Variants in HCN4 observed in about 807,000 individuals in gnomAD.
HCN4 encodes potassium/sodium hyperpolarization-activated cyclic nucleotide-gated channel 4.
HCN4 carries 29 observed loss-of-function variants against 76.9 expected under a neutral mutation model. The ratio of observed to expected loss-of-function variants is 0.38; its 90% CI spans 0.28 to 0.51. HCN4 has a LOEUF of 0.51. Ranked by LOEUF, HCN4 falls within the 20% of genes least tolerant of loss-of-function variation. The pLI is 0.90. For missense variants in HCN4, 1,416 were observed against 1,715.2 expected (o/e 0.83, Z 3.08); for synonymous variants, 772 against 762.5 (o/e 1.01, Z -0.21).
At chr15:73,353,008 G>GGACA (rs201634543) in intron 1 of HCN4, among the ~76,000 whole-genome samples, 1,189 of 102,582 alleles carry the variant, frequency 0.012, 5 homozygotes, top group East Asian at 0.017. Context: ...ATGGACAGAT[G>GGACA]GATGGATGGA....
At chr15:73,330,721 C>G (rs558278565) in intron 3 of HCN4, among the ~76,000 whole-genome samples, 1 of 152,174 alleles carries the variant, frequency 6.6e-6, no homozygotes, top group Non-Finnish European at 1.5e-5. Context: ...CGCAGGAGCC[C>G]GTGAGCTTCG....
rs772559353 is a variant in HCN4 at position 73,343,222 on chromosome 15, A to T, written c.1209+163T>A. On this transcript the variant is annotated intron_variant, in intron 2 of 7. Coordinates refer to ENST00000261917, the MANE Select transcript of HCN4 (RefSeq NM_005477.3). This position sits in a 1 kb window ranked among gnomAD's most constrained non-coding sequence, Gnocchi z 5.7. ...AGATACTGCATGTAAAGTATCCAGC[A>T]CATGATAAGAGGTCAAGAACTTACT... 4.7e-4 allele frequency among the ~76,000 whole-genome samples: 71 copies of T among 152,358 alleles called. No homozygotes were observed. Among genetic ancestry groups the T allele is most frequent in the Middle Eastern group, 3.4e-3 (1 of 294 alleles).
rs1010925949 is a variant in HCN4, at chr15:73,368,602, A to G, written c.-332T>C. 26 of 172,570 alleles carry G rather than the reference A, an allele frequency of 1.5e-4. No individual in the cohort carries two copies. The highest frequency in any genetic ancestry group is 5.2e-4 in the African/African-American group (22 of 42,168). 10.7% of individuals were successfully genotyped at this position (172,570 alleles called of 1,614,324 possible). A position where few individuals can be genotyped will look rare whatever the true frequency, so the allele number is the denominator to read the frequency against. On this transcript the variant is annotated 5_prime_UTR_variant, in exon 1 of 8. Coordinates refer to ENST00000261917, the MANE Select transcript of HCN4 (RefSeq NM_005477.3). The surrounding 1 kb of genome is among the most constrained non-coding windows in gnomAD (Gnocchi z 6.9). ...AGGCGCCCCGCCCCCGCGGGGAACAATGGGCGCCGGCCGGAGAGGCTCTGC... is the reference window on the plus strand; with the variant it reads ...AGGCGCCCCGCCCCCGCGGGGAACAGTGGGCGCCGGCCGGAGAGGCTCTGC...
chr15:73,367,340 G>T lies in HCN4; in HGVS notation c.785+146C>A, dbSNP rs2043132898. The T allele has an allele frequency of 1.6e-6, 2 of 1,240,494 alleles. No homozygotes were observed. Among genetic ancestry groups the T allele is most frequent in the Admixed American group, 4.3e-5 (2 of 46,888 alleles). The allele number at this position is 1,240,494 out of a possible 1,614,324, so 76.8% of individuals were successfully genotyped here. A position where few individuals can be genotyped will look rare whatever the true frequency, so the allele number is the denominator to read the frequency against. On this transcript the variant is annotated intron_variant, in intron 1 of 7. Transcript: ENST00000261917. This position sits in a 1 kb window ranked among gnomAD's most constrained non-coding sequence, Gnocchi z 7.5. ...GCGCGGTGCAGGAGGGGGCCTGGGGGTGTCTCGGAGCCTAGAGGCGCCCTG... is the reference window on the plus strand; with the variant it reads ...GCGCGGTGCAGGAGGGGGCCTGGGGTTGTCTCGGAGCCTAGAGGCGCCCTG...
In HCN4 at chr15:73,323,778, A is replaced by G; in HGVS notation, c.2315T>C (p.Val772Ala). The change falls in exon 8 of 8, where the codon GTC becomes GCC. Residue 772 changes from valine to alanine, a missense_variant. Val to Ala is a moderately conservative substitution (Grantham distance 64). Coordinates refer to ENST00000261917, the MANE Select transcript of HCN4 (RefSeq NM_005477.3). The part of the protein sequence containing the change: ...AASATPTPTP[V>A]IWTPLIQAPL... Reference sequence around the variant, plus strand: ...TGCCTGGATCAGCGGGGTCCAGATGACGGGCGTGGGGGTTGGGGTGGCAGA... The same window carrying G: ...TGCCTGGATCAGCGGGGTCCAGATGGCGGGCGTGGGGGTTGGGGTGGCAGA... 1 of 1,607,920 alleles carries G rather than the reference A, an allele frequency of 6.2e-7. No homozygotes were observed. Among genetic ancestry groups the G allele is most frequent in the Non-Finnish European group, 8.5e-7 (1 of 1,178,950 alleles).
intron 1 of HCN4, among the ~76,000 whole-genome samples, chr15:73,353,628 AC>A (rs1376191478): frequency 6.6e-6 from 1 of 151,864 alleles, no homozygotes; most frequent in African/African-American, 2.4e-5. Flanking sequence ...GCTCCTCTTT[AC>A]CATTCTCTGA....
At position 73,368,024 on chromosome 15, in the gene HCN4, C is replaced by G. The variant is rs2043137577; in HGVS notation, c.247G>C (p.Gly83Arg). ...GAADSEGPAR[G>R]AGKSSTNGDC... ...CCGTTCGTGCTGGACTTGCCCGCGCCGCGGGCCGGCCCTTCGCTGTCCGCT... is the reference window on the plus strand; with the variant it reads ...CCGTTCGTGCTGGACTTGCCCGCGCGGCGGGCCGGCCCTTCGCTGTCCGCT... The change falls in exon 1 of 8, where the codon GGC becomes CGC. Residue 83 changes from glycine (G) to arginine (R), a missense_variant. Physicochemically the swap from Gly to Arg is moderately radical, Grantham distance 125. This residue lies in a region of HCN4 where 355 missense variants were observed against 347.8 expected (regional missense o/e 1.02). Transcript: ENST00000261917. This position sits in a 1 kb window ranked among gnomAD's most constrained non-coding sequence, Gnocchi z 6.9. 1 of 1,422,128 alleles carries G rather than the reference C, an allele frequency of 7.0e-7. No homozygotes were observed. Among genetic ancestry groups the G allele is most frequent in the Non-Finnish European group, 9.1e-7 (1 of 1,095,128 alleles). 88.1% of individuals were successfully genotyped at this position (1,422,128 alleles called of 1,614,324 possible). A position where few individuals can be genotyped will look rare whatever the true frequency, so the allele number is the denominator to read the frequency against.
At chr15:73,352,989 AATGG>A (rs1195462025) in intron 1 of HCN4, among the ~76,000 whole-genome samples, 1 of 148,240 alleles carries the variant, frequency 6.7e-6, no homozygotes, top group African/African-American at 2.6e-5. Flanking sequence ...CTTATTGTTA[AATGG>A]ATGGATGGAC....
intron 1 of HCN4, among the ~76,000 whole-genome samples, chr15:73,347,925 A>G (rs1191884139): frequency 1.3e-5 from 2 of 152,138 alleles, no homozygotes; most frequent in African/African-American, 4.8e-5. Context: ...AGGCTTCCAG[A>G]CCTGTCTTAT....
chr15:73,325,583 G>T lies in HCN4; in HGVS notation c.1591-139C>A. On this transcript the variant is annotated intron_variant, in intron 4 of 7. Coordinates refer to ENST00000261917, the MANE Select transcript of HCN4 (RefSeq NM_005477.3). The surrounding 1 kb of genome is among the most constrained non-coding windows in gnomAD (Gnocchi z 7.4). The stretch of plus-strand genomic sequence containing the variant: ...TAAACTTGGTTCCTTGAGATCTGAG[G>T]TCTACAGTGTGGAAATGACCTCACT... 1.2e-6 allele frequency: 1 copy of T among 846,676 alleles called. No individual in the cohort carries two copies. The allele number at this position is 846,676 out of a possible 1,614,324, so 52.4% of individuals were successfully genotyped here. A position where few individuals can be genotyped will look rare whatever the true frequency, so the allele number is the denominator to read the frequency against.
chr15:73,327,345 A>G (rs1457569477), intron 4 of HCN4, among the ~76,000 whole-genome samples: 1 of 151,904 alleles, frequency 6.6e-6, no homozygotes, highest in Non-Finnish European at 1.5e-5. Flanking sequence ...TCTTGACCTC[A>G]GGTGATCTGC....
intron 4 of HCN4, among the ~76,000 whole-genome samples, chr15:73,326,984 G>C (rs971027200): frequency 2.0e-5 from 3 of 151,466 alleles, no homozygotes; most frequent in East Asian, 3.9e-4. Context: ...ACAGGGTTTT[G>C]CCACGTTGCC....
chr15:73,353,300 T>C (rs910902867), intron 1 of HCN4, among the ~76,000 whole-genome samples: 2 of 152,186 alleles, frequency 1.3e-5, no homozygotes, highest in African/African-American at 2.4e-5. Flanking sequence ...TCCTCTAACA[T>C]GTGTCAGGGG....
intron 1 of HCN4, among the ~76,000 whole-genome samples, chr15:73,364,783 C>T (rs1337269731): frequency 6.6e-6 from 1 of 152,100 alleles, no homozygotes; most frequent in Non-Finnish European, 1.5e-5. Context: ...TTAGCCATGG[C>T]CCAGGTTATG....
At chr15:73,356,291 C>T (rs1038512279) in intron 1 of HCN4, among the ~76,000 whole-genome samples, 3 of 151,270 alleles carry the variant, frequency 2.0e-5, no homozygotes, top group Non-Finnish European at 4.4e-5. Context: ...GGGCTCAAGC[C>T]ACGCTCCTGC....
chr15:73,336,124 G>A (rs1463448070), intron 2 of HCN4, among the ~76,000 whole-genome samples: 1 of 152,110 alleles, frequency 6.6e-6, no homozygotes, highest in African/African-American at 2.4e-5. Context: ...GGCTGGTCCA[G>A]GCTCTGAGCA....
At chr15:73,330,046 C>T (rs2042923739) in intron 3 of HCN4, among the ~76,000 whole-genome samples, 1 of 152,186 alleles carries the variant, frequency 6.6e-6, no homozygotes, top group South Asian at 2.1e-4. Flanking sequence ...CGGGAGCCAG[C>T]GTGGCCCAGC....
chr15:73,329,336 C>G (rs1193202943), intron 4 of HCN4, among the ~76,000 whole-genome samples: 2 of 152,204 alleles, frequency 1.3e-5, no homozygotes, highest in Non-Finnish European at 2.9e-5. Context: ...CCCAGTGACA[C>G]TGGAGACGGG....
rs1359422476 is a variant in HCN4 at position 73,343,345 on chromosome 15, G to A, written c.1209+40C>T. 2 of 1,592,880 alleles carry A rather than the reference G, an allele frequency of 1.3e-6. No homozygotes were observed. The highest frequency in any genetic ancestry group is 1.7e-6 in the Non-Finnish European group (2 of 1,162,462). Reference sequence around the variant, plus strand: ...GCCAGTTCCTCACTCCCTCTGTGGGGAGTGGCCTTTCCCCCAAGAGGTTTG... The same window carrying A: ...GCCAGTTCCTCACTCCCTCTGTGGGAAGTGGCCTTTCCCCCAAGAGGTTTG... On this transcript the variant is annotated intron_variant, in intron 2 of 7. Coordinates refer to ENST00000261917, the MANE Select transcript of HCN4 (RefSeq NM_005477.3). This position sits in a 1 kb window ranked among gnomAD's most constrained non-coding sequence, Gnocchi z 5.7.
Sources: allele counts gnomAD v4.1 joint callset (sites outside exome capture counted in the v4.1 genomes callset), GRCh38; gene constraint gnomAD v4.1.1; regional missense constraint gnomAD v4.1.1; non-coding constraint Gnocchi (gnomAD v3.1); transcripts MANE v1.5; gene names NCBI Gene and HGNC (gene_info 2026-07-23, HGNC 2026-07-21).